UNC80: variants seen among roughly 807,000 people sequenced by gnomAD.
UNC80 encodes the protein protein unc-80 homolog.
A neutral mutation model predicts 384.6 loss-of-function variants in UNC80; 164 were observed. The observed-to-expected ratio is 0.43, with a 90% confidence interval of 0.38 to 0.49. The LOEUF is 0.49. Ranked by LOEUF, UNC80 falls within the 20% of genes least tolerant of loss-of-function variation. The pLI is 0.00. For synonymous variants in UNC80, 1,486 were observed against 1,527.8 expected, an observed-to-expected ratio of 0.97 and a Z score of 0.64; for missense variants, 3,330 against 4,143.0, an observed-to-expected ratio of 0.80 and a Z score of 5.39.
chr2:209,838,467 TATTTTTTACTTGCAAGCCCTACCTAAG>T (rs2081499639), intron 18 of UNC80, among the ~76,000 whole-genome samples: 1 of 152,214 alleles, frequency 6.6e-6, no homozygotes, highest in Non-Finnish European at 1.5e-5. Flanking sequence ...GAGTTGTACT[TATTTTTTACTTGCAAGCCCTACCTAAG>T]TTTCTTTGAC....
At chr2:209,838,953 C>G (rs1437392161) in intron 18 of UNC80, among the ~76,000 whole-genome samples, 1 of 152,022 alleles carries the variant, frequency 6.6e-6, no homozygotes, top group African/African-American at 2.4e-5. Flanking sequence ...CAGATGAATA[C>G]CTGCAATAAT....
At chr2:209,812,156 TCTC>T (rs1180386252) in intron 7 of UNC80, among the ~76,000 whole-genome samples, 1 of 151,718 alleles carries the variant, frequency 6.6e-6, no homozygotes, top group Admixed American at 6.6e-5. Flanking sequence ...TTCACGCCAT[TCTC>T]CTGCCTCAGC....
rs1165113434 is a variant in UNC80 at position 209,844,468 on chromosome 2, TTTCTTTCTTTCCTTCCTTCCTTCCTTCC to T, written c.3454+2026_3454+2053del. 1.5e-4 allele frequency among the ~76,000 whole-genome samples: 10 copies of T among 67,924 alleles called. 1 individual carries two copies. The highest frequency in any genetic ancestry group is 5.5e-4 in the South Asian group (1 of 1,820). The allele number at this position is 67,924 out of a possible 152,430, so 44.6% of individuals were successfully genotyped here. A position where few individuals can be genotyped will look rare whatever the true frequency, so the allele number is the denominator to read the frequency against. ...CTCTTTTCTTTTCTTTCTTTCTTTC[TTTCTTTCTTTCCTTCCTTCCTTCCTTCC>T]TTCCTTCCTTCCTTCCTTCCTTCCT... On this transcript the variant is annotated intron_variant, in intron 21 of 64. Transcript: ENST00000673920.
intron 47 of UNC80, among the ~76,000 whole-genome samples, chr2:209,950,547 T>C (rs1012859934): frequency 2.0e-5 from 3 of 151,760 alleles, no homozygotes; most frequent in Non-Finnish European, 2.9e-5. Flanking sequence ...ATCTTTATTA[T>C]TTTCTACCTT....
intron 23 of UNC80, 94 bp from the exon 24 acceptor site, chr2:209,877,860 C>T: frequency 7.6e-7 from 1 of 1,317,778 alleles, no homozygotes; most frequent in Admixed American, 3.4e-5. Flanking sequence ...AAATAATTCT[C>T]ATTAATTGGT....
chr2:209,884,144 C>T (rs921443536), intron 25 of UNC80, among the ~76,000 whole-genome samples: 2 of 152,124 alleles, frequency 1.3e-5, no homozygotes, highest in African/African-American at 4.8e-5. Context: ...CAAATTTTTT[C>T]TAAATATTAT....
At chr2:209,844,424 TTCTC>T (rs1322528885) in intron 21 of UNC80, among the ~76,000 whole-genome samples, 3 of 149,748 alleles carry the variant, frequency 2.0e-5, no homozygotes, top group Non-Finnish European at 4.4e-5. Flanking sequence ...CTCTCTTTCT[TTCTC>T]TTTCTCTTTT....
At position 209,941,419 on chromosome 2, in the gene UNC80, A is replaced by G; in HGVS notation, c.6845A>G (p.Asn2282Ser). 2.6e-6 allele frequency: 4 copies of G among 1,550,288 alleles called. No individual in the cohort carries two copies. The highest frequency in any genetic ancestry group is 2.6e-6 in the Non-Finnish European group (3 of 1,145,834). Reference sequence around the variant, plus strand: ...AGGCAGTATGCTGCCACCGTCATCAACACCGCGGTGCACTTCAACCACCTC... The same window carrying G: ...AGGCAGTATGCTGCCACCGTCATCAGCACCGCGGTGCACTTCAACCACCTC... The part of the protein sequence containing the change: ...LLRQYAATVI[N>S]TAVHFNHLFS... The change falls in exon 44 of 65, where the codon AAC (asparagine) becomes AGC (serine). Residue 2282 changes from asparagine (N) to serine (S), a missense_variant. By Grantham distance (46) the Asn-to-Ser change is conservative. Around this residue, in one of 8 missense-constraint regions of UNC80, gnomAD observed 1,049 missense variants for 1,488.6 expected, o/e 0.70. Coordinates refer to ENST00000673920, the MANE Select transcript of UNC80 (RefSeq NM_001371986.1).
chr2:209,840,724 C>A, intron 20 of UNC80, 76 bp downstream of exon 20: 1 of 1,223,360 alleles, frequency 8.2e-7, no homozygotes, highest in Non-Finnish European at 1.2e-6. Flanking sequence ...AAATAGCAAA[C>A]ACCTGCAGGG....
intron 31 of UNC80, among the ~76,000 whole-genome samples, chr2:209,915,899 G>A (rs2124945772): frequency 6.6e-6 from 1 of 152,222 alleles, no homozygotes; most frequent in Non-Finnish European, 1.5e-5. Context: ...CCAACACATG[G>A]AAATAATAAG....
intron 28 of UNC80, among the ~76,000 whole-genome samples, chr2:209,901,971 C>CAGGGGT (rs2087464967): frequency 6.6e-6 from 1 of 151,830 alleles, no homozygotes; most frequent in Non-Finnish European, 1.5e-5. Context: ...TAGCTGCCAC[C>CAGGGGT]ACAGACAGTT....
intron 36 of UNC80, among the ~76,000 whole-genome samples, chr2:209,927,727 A>AT (rs1224806715): frequency 6.6e-6 from 1 of 152,250 alleles, no homozygotes; most frequent in Non-Finnish European, 1.5e-5. Flanking sequence ...ACAGAGTTTC[A>AT]TGATATGTAT....
At chr2:209,789,853 T>A (rs1166753310) in intron 6 of UNC80, among the ~76,000 whole-genome samples, 1 of 148,432 alleles carries the variant, frequency 6.7e-6, no homozygotes, top group Admixed American at 6.7e-5. Flanking sequence ...CGGTGGTTAG[T>A]GTGTAATGAG....
chr2:209,771,933 C>A lies in UNC80; in HGVS notation c.-140C>A. The A allele has an allele frequency of 1.5e-6, 1 of 660,986 alleles. No individual in the cohort carries two copies. Among genetic ancestry groups the A allele is most frequent in the African/African-American group, 1.9e-5 (1 of 53,810 alleles). 40.9% of individuals were successfully genotyped at this position (660,986 alleles called of 1,614,324 possible). A position where few individuals can be genotyped will look rare whatever the true frequency, so the allele number is the denominator to read the frequency against. On this transcript the variant is annotated 5_prime_UTR_variant, in exon 1 of 65. Transcript: ENST00000673920. ...GAGGGGTGGGGGGAGGGGAGAGGCA[C>A]GGGGGATCAGGGCGGAGAGAGCCGG...
rs530951740 is a variant in UNC80, at chr2:209,923,419, A to G, written c.5662+1036A>G. ...TAATATGTGTTATGTTATGAGTTAGAATTTTGCATTTAGATAACTAGTTGT... is the reference window on the plus strand; with the variant it reads ...TAATATGTGTTATGTTATGAGTTAGGATTTTGCATTTAGATAACTAGTTGT... On this transcript the variant is annotated intron_variant, in intron 35 of 64. Coordinates refer to ENST00000673920, the MANE Select transcript of UNC80 (RefSeq NM_001371986.1). 2.6e-5 allele frequency among the ~76,000 whole-genome samples: 4 copies of G among 152,242 alleles called. No individual in the cohort carries two copies. In the South Asian group the frequency reaches 8.4e-4, roughly 32 times the overall value.
chr2:209,897,560 G>A (rs996561554), intron 28 of UNC80, among the ~76,000 whole-genome samples: 4 of 151,966 alleles, frequency 2.6e-5, no homozygotes, highest in Admixed American at 6.6e-5. Context: ...TCACCCTGAC[G>A]ATTTTAATTA....
chr2:209,809,600 C>T (rs2079186004), intron 7 of UNC80: 1 of 732,086 alleles, frequency 1.4e-6, no homozygotes, highest in East Asian at 2.6e-5. Flanking sequence ...CTCCCTCTTC[C>T]TCTCCCTACC....
intron 60 of UNC80, 91 bp from the exon 61 acceptor site, chr2:209,984,765 T>G (rs2093245831): frequency 8.0e-7 from 1 of 1,255,020 alleles, no homozygotes; most frequent in East Asian, 2.6e-5. Flanking sequence ...TTTTGGTTCT[T>G]GGAAGCAGAA....
chr2:209,842,471 T>A, intron 21 of UNC80, 25 bp downstream of exon 21: 3 of 1,478,222 alleles, frequency 2.0e-6, no homozygotes, highest in Non-Finnish European at 2.8e-6. Flanking sequence ...TCCTAAGAAT[T>A]CTATTCAACT....
Sources: gnomAD v4.1 joint callset for allele counts (sites outside exome capture counted in the v4.1 genomes callset) on GRCh38, gnomAD v4.1.1 for gene constraint, gnomAD v4.1.1 regional missense constraint, MANE v1.5 for transcripts, NCBI Gene and HGNC (gene_info 2026-07-23, HGNC 2026-07-21) for gene names.